SPTBN1: variants seen among roughly 807,000 people sequenced by gnomAD.
SPTBN1 encodes spectrin beta, non-erythrocytic 1.
A neutral mutation model predicts 266.4 loss-of-function variants in SPTBN1; 32 were observed. The ratio of observed to expected loss-of-function variants is 0.12; its 90% CI spans 0.09 to 0.16. SPTBN1 has a LOEUF of 0.16. Among genes scored for constraint, SPTBN1 ranks in the 10% least tolerant of loss-of-function variants. The pLI is 1.00. For missense variants in SPTBN1, 2,296 were observed against 3,067.1 expected, an observed-to-expected ratio of 0.75 and a Z score of 5.94; for synonymous variants, 1,336 against 1,162.2, an observed-to-expected ratio of 1.15 and a Z score of -3.04.
intron 2 of SPTBN1, chr2:54,545,456 A>C (rs1672185620): frequency 6.6e-6 from 1 of 152,230 alleles, no homozygotes; most frequent in African/African-American, 2.4e-5. Flanking sequence ...AAGTTAAATA[A>C]GCAAAGGTAC....
chr2:54,491,181 C>T (rs1049491296), intron 1 of SPTBN1, among the ~76,000 whole-genome samples: 1 of 152,066 alleles, frequency 6.6e-6, no homozygotes, highest in African/African-American at 2.4e-5. Context: ...ATTTTGGGGT[C>T]CAGAAAAACT....
intron 2 of SPTBN1, among the ~76,000 whole-genome samples, chr2:54,598,444 C>A (rs763525194): frequency 7.6e-6 from 1 of 131,008 alleles, no homozygotes; most frequent in Non-Finnish European, 1.6e-5. Flanking sequence ...TGTCTTTGCA[C>A]TCTACCATGT....
intron 1 of SPTBN1, among the ~76,000 whole-genome samples, chr2:54,477,741 G>A (rs1489961351): frequency 1.3e-5 from 2 of 152,028 alleles, no homozygotes; most frequent in Non-Finnish European, 2.9e-5. Flanking sequence ...GTGAAACCCC[G>A]TCTCTACTAA....
At chr2:54,561,070 C>G (rs1673266739) in intron 2 of SPTBN1, among the ~76,000 whole-genome samples, 1 of 152,150 alleles carries the variant, frequency 6.6e-6, no homozygotes, top group Non-Finnish European at 1.5e-5. Context: ...CCTTTTTTTA[C>G]TCTTCTGAGT....
chr2:54,572,462 G>T (rs10205410), intron 2 of SPTBN1, among the ~76,000 whole-genome samples: 46,667 of 151,924 alleles, frequency 0.31, 8,891 homozygotes, highest in African/African-American at 0.55. Context: ...TGTGAGTAAT[G>T]CTTTGCTAGA....
chr2:54,654,255 G>T (rs1680500975), intron 27 of SPTBN1, among the ~76,000 whole-genome samples: 1 of 152,100 alleles, frequency 6.6e-6, no homozygotes, highest in Admixed American at 6.5e-5. Context: ...CTGCTTTTTG[G>T]ATTAAAGACC....
intron 18 of SPTBN1, 64 bp from the exon 19 acceptor site, chr2:54,642,919 T>C (rs1679672760): frequency 6.4e-7 from 1 of 1,573,288 alleles, no homozygotes. Flanking sequence ...CACAACCCTT[T>C]CCAGGCGGAA....
intron 2 of SPTBN1, 96 bp downstream of exon 2, chr2:54,526,662 G>A (rs1670836740): frequency 5.7e-6 from 8 of 1,399,806 alleles, no homozygotes; most frequent in Middle Eastern, 2.4e-4. Flanking sequence ...TGTCATGTTC[G>A]AAGGTTGTCT....
In SPTBN1 at chr2:54,669,585, C is replaced by G. The variant is rs1681611419; in HGVS notation, c.*1016C>G. The G allele has an allele frequency of 6.6e-6, 1 of 152,642 alleles. No individual in the cohort carries two copies. The highest frequency in any genetic ancestry group is 1.5e-5 in the Non-Finnish European group (1 of 68,046). The allele number at this position is 152,642 out of a possible 1,614,324, so 9.5% of individuals were successfully genotyped here. On this transcript the variant is annotated 3_prime_UTR_variant, in exon 36 of 36. Coordinates refer to ENST00000356805, the MANE Select transcript of SPTBN1 (RefSeq NM_003128.3). Reference sequence around the variant, plus strand: ...GGGCCTGAACAGGGAGGTGGTCGCTCAGGCCTGGTGCTCAGTCGTACGACC... The same window carrying G: ...GGGCCTGAACAGGGAGGTGGTCGCTGAGGCCTGGTGCTCAGTCGTACGACC...
At chr2:54,578,505 C>T (rs1261081928) in intron 2 of SPTBN1, among the ~76,000 whole-genome samples, 1 of 152,100 alleles carries the variant, frequency 6.6e-6, no homozygotes, top group Non-Finnish European at 1.5e-5. Context: ...CTTCCAGCTG[C>T]GATTTGCATT....
intron 1 of SPTBN1, among the ~76,000 whole-genome samples, chr2:54,482,878 T>A (rs1260935405): frequency 6.6e-6 from 1 of 152,198 alleles, no homozygotes; most frequent in East Asian, 1.9e-4. Flanking sequence ...ACTCCATACT[T>A]TTTTAAGCAG....
At chr2:54,578,451 G>A (rs938392115) in intron 2 of SPTBN1, among the ~76,000 whole-genome samples, 7 of 152,236 alleles carry the variant, frequency 4.6e-5, no homozygotes, top group Non-Finnish European at 7.4e-5. Context: ...CCCTGTTTCC[G>A]GTTAGCTGCT....
chr2:54,497,212 G>C (rs968495379), intron 1 of SPTBN1, among the ~76,000 whole-genome samples: 62 of 152,278 alleles, frequency 4.1e-4, no homozygotes, highest in Middle Eastern at 3.4e-3. Flanking sequence ...TGGGTTCTCT[G>C]AAAATGAGCA....
In SPTBN1 at chr2:54,646,581, C is replaced by T; in HGVS notation, c.4866+106C>T. ...TCTGTATAAAAACTTCCCTTGTAGC[C>T]TTTGAGTGTTAAGGGGACACCATGT... On this transcript the variant is annotated intron_variant, in intron 23 of 35. Transcript: ENST00000356805. The surrounding 1 kb of genome is among the most constrained non-coding windows in gnomAD (Gnocchi z 4.4). 1 of 1,316,902 alleles carries T rather than the reference C, an allele frequency of 7.6e-7. No individual in the cohort carries two copies. Among genetic ancestry groups the T allele is most frequent in the Non-Finnish European group, 1.0e-6 (1 of 1,004,580 alleles). 81.6% of individuals were successfully genotyped at this position (1,316,902 alleles called of 1,614,324 possible). A position where few individuals can be genotyped will look rare whatever the true frequency, so the allele number is the denominator to read the frequency against.
At position 54,628,953 on chromosome 2, in the gene SPTBN1, C is replaced by G; in HGVS notation, c.1819C>G (p.Gln607Glu). ...DGEGYKPCDP[Q>E]VIRDRVAHME... ...AACAGGTTACAAGCCCTGTGACCCC[C>G]AGGTGATCCGAGACCGCGTGGCCCA... The change falls in exon 14 of 36, where the codon CAG (glutamine) becomes GAG (glutamate). Residue 607 changes from glutamine (Q) to glutamate (E), a missense_variant. Transcript: ENST00000356805. The surrounding 1 kb of genome is among the most constrained non-coding windows in gnomAD (Gnocchi z 4.3). 1 of 1,607,042 alleles carries G rather than the reference C, an allele frequency of 6.2e-7. No homozygotes were observed. The highest frequency in any genetic ancestry group is 8.5e-7 in the Non-Finnish European group (1 of 1,176,412).
In SPTBN1 at chr2:54,653,366, C is replaced by G; in HGVS notation, c.5578-243C>G. 1 of 516,306 alleles carries G rather than the reference C, an allele frequency of 1.9e-6. No individual in the cohort carries two copies. The highest frequency in any genetic ancestry group is 3.2e-6 in the Non-Finnish European group (1 of 315,590). 32.0% of individuals were successfully genotyped at this position (516,306 alleles called of 1,614,324 possible). A position where few individuals can be genotyped will look rare whatever the true frequency, so the allele number is the denominator to read the frequency against. ...CTGACTAAACTCTCCTGCCTGTCTT[C>G]CTGTAGCATTTCATTTGTTTTATCA... On this transcript the variant is annotated intron_variant, in intron 26 of 35. Transcript: ENST00000356805. The surrounding 1 kb of genome is among the most constrained non-coding windows in gnomAD (Gnocchi z 5.1).
chr2:54,662,139 T>G, intron 32 of SPTBN1: 1 of 985,416 alleles, frequency 1.0e-6, no homozygotes, highest in African/African-American at 1.7e-5. Flanking sequence ...CACTCTGGAC[T>G]AATCGCTAAA....
chr2:54,611,762 AC>A (rs1450890420), intron 3 of SPTBN1, among the ~76,000 whole-genome samples: 1 of 152,130 alleles, frequency 6.6e-6, no homozygotes, highest in Non-Finnish European at 1.5e-5. Context: ...CAGGTGGCAA[AC>A]CTAATTTTAC....
rs917972366 is a variant in SPTBN1, at chr2:54,621,623, G to A, written c.876+111G>A. The A allele has an allele frequency of 6.4e-5, 47 of 735,330 alleles. 1 individual carries two copies. Among genetic ancestry groups the A allele is most frequent in the Middle Eastern group, 7.7e-4 (2 of 2,584 alleles). 45.6% of individuals were successfully genotyped at this position (735,330 alleles called of 1,614,324 possible). On this transcript the variant is annotated intron_variant, in intron 8 of 35. Coordinates refer to ENST00000356805, the MANE Select transcript of SPTBN1 (RefSeq NM_003128.3). Reference sequence around the variant, plus strand: ...AATAGCAATTTGTAGTGGACTCTCCGGATGGTAGGGAAATCGGCAGAAGCC... The same window carrying A: ...AATAGCAATTTGTAGTGGACTCTCCAGATGGTAGGGAAATCGGCAGAAGCC...
Sources: gnomAD v4.1 joint callset for allele counts (sites outside exome capture counted in the v4.1 genomes callset) on GRCh38, gnomAD v4.1.1 for gene constraint, Gnocchi (gnomAD v3.1) non-coding constraint, MANE v1.5 for transcripts, NCBI Gene and HGNC (gene_info 2026-07-23, HGNC 2026-07-21) for gene names.